PTCHD4: variants seen among roughly 807,000 people sequenced by gnomAD.
PTCHD4 encodes the protein patched domain-containing protein 4.
In PTCHD4, 33 loss-of-function variants were observed where a neutral mutation model predicts 58.1. The observed-to-expected ratio is 0.57, with a 90% CI of 0.43 to 0.76. PTCHD4 has a LOEUF of 0.76. Ranked by LOEUF, PTCHD4 falls within the 30% of genes least tolerant of loss-of-function variation. The probability of loss-of-function intolerance (pLI) is 0.00; values close to 1 mark genes in which losing one functional copy is unlikely to be tolerated. For missense variants in PTCHD4, 1,058 were observed against 1,027.1 expected (o/e 1.03, Z -0.41); for synonymous variants, 478 against 409.6 (o/e 1.17, Z -2.02).
intron 4 of PTCHD4, among the ~76,000 whole-genome samples, chr6:47,942,090 C>T (rs1325078923): frequency 6.6e-6 from 1 of 152,186 alleles, no homozygotes; most frequent in Non-Finnish European, 1.5e-5. Context: ...GCAATTTGGC[C>T]ATTCACCTTG....
intron 3 of PTCHD4, among the ~76,000 whole-genome samples, chr6:48,036,338 C>A (rs114311234): frequency 0.01 from 1,595 of 152,142 alleles, 28 homozygotes; most frequent in African/African-American, 0.035. Context: ...ACAGTAGTGC[C>A]CCTCATCCAC....
chr6:48,048,608 G>A (rs901652765), intron 3 of PTCHD4, among the ~76,000 whole-genome samples: 5 of 151,810 alleles, frequency 3.3e-5, no homozygotes, highest in African/African-American at 4.8e-5. Context: ...TCCCTCCTTT[G>A]TGCCAGTGAC....
chr6:47,960,826 C>A (rs1385484941), intron 4 of PTCHD4, among the ~76,000 whole-genome samples: 1 of 151,766 alleles, frequency 6.6e-6, no homozygotes, highest in South Asian at 2.1e-4. Context: ...GAGATAAATA[C>A]AAATTCACAA....
chr6:47,982,771 G>A (rs752020150), intron 4 of PTCHD4, among the ~76,000 whole-genome samples: 25 of 152,308 alleles, frequency 1.6e-4, no homozygotes, highest in Non-Finnish European at 2.6e-4. Flanking sequence ...AAAGGCATGA[G>A]CCACCGCACC....
intron 4 of PTCHD4, among the ~76,000 whole-genome samples, chr6:47,895,602 T>C (rs1764506900): frequency 6.6e-6 from 1 of 152,216 alleles, no homozygotes; most frequent in Non-Finnish European, 1.5e-5. Context: ...TGCATAATCA[T>C]GGTGCTACAT....
Position 48,054,130 on chromosome 6 carries a change from A to G in PTCHD4, c.417+14100T>C, listed in dbSNP as rs1018968981. The stretch of plus-strand genomic sequence containing the variant: ...TTCTTTCCCCAGATATTTTGATTCA[A>G]TCGATCTTAAGAGGGGCCCCAGACA... On this transcript the variant is annotated intron_variant, in intron 3 of 4. Transcript: ENST00000339488. 5.3e-5 allele frequency among the ~76,000 whole-genome samples: 8 copies of G among 152,284 alleles called. No individual in the cohort carries two copies. The East Asian group carries it at 1.2e-3, about 22-fold the overall frequency.
At chr6:48,040,440 C>T (rs1763803973) in intron 3 of PTCHD4, among the ~76,000 whole-genome samples, 1 of 147,044 alleles carries the variant, frequency 6.8e-6, no homozygotes, top group Non-Finnish European at 1.5e-5. Context: ...TACTATAAGT[C>T]AGTTTTTGCC....
At chr6:47,888,484 G>GA (rs1244652338) in intron 4 of PTCHD4, among the ~76,000 whole-genome samples, 2 of 152,090 alleles carry the variant, frequency 1.3e-5, no homozygotes, top group African/African-American at 2.4e-5. Context: ...TCTCTAATAA[G>GA]AAAAAATAAA....
chr6:47,896,660 C>T (rs748570557), intron 4 of PTCHD4, among the ~76,000 whole-genome samples: 36 of 152,042 alleles, frequency 2.4e-4, no homozygotes, highest in Middle Eastern at 3.4e-3. Flanking sequence ...ATATTCTTTC[C>T]TAAGGTATTG....
intron 1 of PTCHD4, among the ~76,000 whole-genome samples, chr6:48,073,797 G>A (rs1765015978): frequency 1.3e-5 from 2 of 152,260 alleles, no homozygotes; most frequent in South Asian, 4.1e-4. Context: ...AAATGCATGA[G>A]AAACATCACT....
chr6:47,880,421 T>C (rs1763986080), intron 4 of PTCHD4, among the ~76,000 whole-genome samples: 1 of 152,190 alleles, frequency 6.6e-6, no homozygotes, highest in African/African-American at 2.4e-5. Flanking sequence ...TGTTAAACAC[T>C]TAAAAATGGC....
Position 48,008,621 on chromosome 6 carries a change from G to C in PTCHD4, c.898+13C>G. The C allele has an allele frequency of 6.2e-7, 1 of 1,610,974 alleles. No individual in the cohort carries two copies. Among genetic ancestry groups the C allele is most frequent in the Admixed American group, 1.7e-5 (1 of 59,756 alleles). On this transcript the variant is annotated intron_variant, in intron 4 of 4. Coordinates refer to ENST00000339488, the MANE Select transcript of PTCHD4 (RefSeq NM_001384253.1). ...CCGGTAAGAATCCGATTACCACAAG[G>C]ATGGATAGTTACCCATGGCGAAGAA...
rs1035727850 is a variant in PTCHD4 at position 47,861,813 on chromosome 6, C to T, written c.*16490G>A. Among the ~76,000 whole-genome samples the T allele has an allele frequency of 2.0e-4, 31 of 151,832 alleles. No homozygotes were observed. Among genetic ancestry groups the T allele is most frequent in the African/African-American group, 7.2e-4 (30 of 41,382 alleles). ...GCTGAGCAATTTGAACTGCTTTGTC[C>T]CTCACACAGGACTTTGTACATCACT... On this transcript the variant is annotated 3_prime_UTR_variant, in exon 5 of 5. Transcript: ENST00000339488.
intron 1 of PTCHD4, among the ~76,000 whole-genome samples, chr6:48,093,580 C>T (rs1230640027): frequency 1.3e-5 from 2 of 151,964 alleles, no homozygotes; most frequent in African/African-American, 4.8e-5. Flanking sequence ...ATTGCTTCTC[C>T]TCATGTAATT....
At chr6:48,011,093 C>T (rs185350524) in intron 3 of PTCHD4, among the ~76,000 whole-genome samples, 136 of 152,284 alleles carry the variant, frequency 8.9e-4, no homozygotes, top group African/African-American at 3.2e-3. Context: ...GTTATATGCC[C>T]AGCAATGGGA....
Position 47,862,602 on chromosome 6 carries a change from C to T in PTCHD4, c.*15701G>A, listed in dbSNP as rs146549517. Reference sequence around the variant, plus strand: ...TTACTTCTCATTCCCTGAAATTGTACTGGGACAGAAGGGAAAAATTAGTTC... The same window carrying T: ...TTACTTCTCATTCCCTGAAATTGTATTGGGACAGAAGGGAAAAATTAGTTC... On this transcript the variant is annotated 3_prime_UTR_variant, in exon 5 of 5. Coordinates refer to ENST00000339488, the MANE Select transcript of PTCHD4 (RefSeq NM_001384253.1). Among the ~76,000 whole-genome samples, 231 of 151,728 alleles carry T rather than the reference C, an allele frequency of 1.5e-3. 2 individuals carry two copies. The highest frequency in any genetic ancestry group is 5.5e-3 in the African/African-American group (226 of 41,454).
At chr6:47,996,695 T>C (rs1334155066) in intron 4 of PTCHD4, among the ~76,000 whole-genome samples, 1 of 152,154 alleles carries the variant, frequency 6.6e-6, no homozygotes, top group Non-Finnish European at 1.5e-5. Flanking sequence ...GGAATCCATA[T>C]TCATAAAAAA....
chr6:48,001,626 C>T (rs757693359), intron 4 of PTCHD4, among the ~76,000 whole-genome samples: 8 of 152,050 alleles, frequency 5.3e-5, no homozygotes, highest in East Asian at 1.9e-4. Context: ...TATTAAAGAC[C>T]TAAATGTTAG....
At chr6:47,976,346 T>C (rs539045362) in intron 4 of PTCHD4, among the ~76,000 whole-genome samples, 20 of 152,226 alleles carry the variant, frequency 1.3e-4, no homozygotes, top group African/African-American at 3.6e-4. Context: ...TCCAGAGGCA[T>C]TTACGTTACA....
Sources: allele counts gnomAD v4.1 joint callset (sites outside exome capture counted in the v4.1 genomes callset), GRCh38; gene constraint gnomAD v4.1.1; transcripts MANE v1.5; gene names NCBI Gene and HGNC (gene_info 2026-07-23, HGNC 2026-07-21).